The following GON4L variants were observed in gnomAD, a reference collection of about 807,000 sequenced individuals.
GON4L encodes the protein gon-4 like.
GON4L carries 87 observed loss-of-function variants against 211.8 expected under a neutral mutation model. The observed-to-expected ratio is 0.41, with a 90% confidence interval of 0.35 to 0.49. The LOEUF (loss-of-function observed/expected upper bound fraction) is 0.49. Among genes scored for constraint, GON4L ranks in the 20% least tolerant of loss-of-function variants. The probability of loss-of-function intolerance (pLI) is 0.15; values close to 1 mark genes in which losing one functional copy is unlikely to be tolerated. For synonymous variants in GON4L, 875 were observed against 962.6 expected, an observed-to-expected ratio of 0.91 and a Z score of 1.68; for missense variants, 2,155 against 2,659.5, an observed-to-expected ratio of 0.81 and a Z score of 4.17.
At chr1:155,790,491 C>G (rs2985708) in intron 12 of GON4L, among the ~76,000 whole-genome samples, 126,198 of 152,002 alleles carry the variant, frequency 0.83, 54,987 homozygotes, top group East Asian at 1. Flanking sequence ...ATCCTCCTGC[C>G]TCAGCCTCCC....
Position 155,813,815 on chromosome 1 carries a change from G to C in GON4L, c.1282-11C>G. 1 of 1,611,700 alleles carries C rather than the reference G, an allele frequency of 6.2e-7. No homozygotes were observed. The highest frequency in any genetic ancestry group is 1.1e-5 in the South Asian group (1 of 91,006). On this transcript the variant is annotated splice_polypyrimidine_tract_variant and intron_variant, in intron 9 of 31. Coordinates refer to ENST00000368331, the MANE Select transcript of GON4L (RefSeq NM_001282860.2). ...GGTGACTTTCTCAGCCTGATTAAAA[G>C]AGGTGACTGCATCAAAAAAGGAAGG...
chr1:155,784,485 A>C (rs1437400611), intron 13 of GON4L: 1 of 212,064 alleles, frequency 4.7e-6, no homozygotes, highest in Admixed American at 5.9e-5. Context: ...TCCCAGGTTC[A>C]AGCAATTTTC....
chr1:155,798,059 T>C (rs1410159955), intron 11 of GON4L, among the ~76,000 whole-genome samples: 2 of 150,910 alleles, frequency 1.3e-5, no homozygotes, highest in African/African-American at 4.9e-5. Context: ...CCAGCGAGGG[T>C]GACAGAGTGA....
chr1:155,775,749 G>A (rs1013000999), intron 16 of GON4L, among the ~76,000 whole-genome samples: 13 of 151,872 alleles, frequency 8.6e-5, no homozygotes, highest in Non-Finnish European at 1.5e-4. Context: ...ACAAGTCACC[G>A]CACCCAGCCA....
chr1:155,833,390 C>T (rs1669973835), intron 2 of GON4L, among the ~76,000 whole-genome samples: 1 of 152,000 alleles, frequency 6.6e-6, no homozygotes, highest in Admixed American at 6.6e-5. Flanking sequence ...TGGCTCACAC[C>T]TGTGATCCCA....
chr1:155,813,363 C>T lies in GON4L; in HGVS notation c.1452+271G>A, dbSNP rs528277853. Among the ~76,000 whole-genome samples the T allele has an allele frequency of 1.3e-3, 192 of 151,904 alleles. 1 individual carries two copies. Among genetic ancestry groups the T allele is most frequent in the African/African-American group, 4.5e-3 (185 of 41,396 alleles). On this transcript the variant is annotated intron_variant, in intron 10 of 31. Coordinates refer to ENST00000368331, the MANE Select transcript of GON4L (RefSeq NM_001282860.2). ...GGGAAGATCACTTGAGTCTGGGAGG[C>T]GGAGGTTGCAGTGGGCCAAGATCAC...
Position 155,753,697 on chromosome 1 carries a change from T to C in GON4L, c.5632-283A>G, listed in dbSNP as rs148076371. ...TCAAATGACAAACAAAAAGAAAAGA[T>C]AGACAGAGACAGGGTCTCAGATGAC... is the stretch of plus-strand genomic sequence containing the variant. On this transcript the variant is annotated intron_variant, in intron 28 of 31. Transcript: ENST00000368331. 1.2e-3 allele frequency among the ~76,000 whole-genome samples: 175 copies of C among 152,084 alleles called. 1 individual carries two copies. Among genetic ancestry groups the C allele is most frequent in the African/African-American group, 4.0e-3 (165 of 41,488 alleles).
chr1:155,758,103 G>A (rs541961794), intron 24 of GON4L, 69 bp from the exon 25 acceptor site: 2,185 of 158,624 alleles, frequency 0.014, 20 homozygotes, highest in Non-Finnish European at 0.021. Context: ...GGGTTCTAAG[G>A]ATAAGAACTA....
At chr1:155,843,369 T>C (rs1355874972) in intron 2 of GON4L, among the ~76,000 whole-genome samples, 2 of 152,028 alleles carry the variant, frequency 1.3e-5, no homozygotes, top group African/African-American at 4.8e-5. Flanking sequence ...CTCACAGCCA[T>C]CTCCCCAAAC....
At chr1:155,822,066 T>C (rs2102260348) in intron 4 of GON4L, among the ~76,000 whole-genome samples, 1 of 152,346 alleles carries the variant, frequency 6.6e-6, no homozygotes, top group East Asian at 1.9e-4. Flanking sequence ...AGTTTATCTT[T>C]CCAATTAAAT....
chr1:155,833,188 A>T (rs910343415), intron 2 of GON4L, among the ~76,000 whole-genome samples: 3 of 152,168 alleles, frequency 2.0e-5, no homozygotes, highest in Non-Finnish European at 4.4e-5. Flanking sequence ...TCTTAATTAC[A>T]CTTATCAATA....
At chr1:155,841,166 G>GT (rs1670740208) in intron 2 of GON4L, among the ~76,000 whole-genome samples, 1 of 152,146 alleles carries the variant, frequency 6.6e-6, no homozygotes, top group African/African-American at 2.4e-5. Flanking sequence ...TTAGGTACCT[G>GT]TAAGATTCCT....
intron 13 of GON4L, chr1:155,784,554 G>T: frequency 5.5e-6 from 1 of 182,426 alleles, no homozygotes; most frequent in South Asian, 1.1e-4. Context: ...CCTAATTTTT[G>T]TATTTTTAAT....
chr1:155,778,964 A>G (rs1664116187), intron 14 of GON4L, among the ~76,000 whole-genome samples: 2 of 152,094 alleles, frequency 1.3e-5, no homozygotes, highest in Non-Finnish European at 2.9e-5. Context: ...GGATTCCTTG[A>G]AATATGATAA....
intron 14 of GON4L, among the ~76,000 whole-genome samples, chr1:155,778,653 T>C (rs1437069993): frequency 6.6e-6 from 1 of 152,170 alleles, no homozygotes. Flanking sequence ...TATCAACCCA[T>C]CACCTTGGTA....
At chr1:155,824,021 T>G (rs1430896303) in intron 3 of GON4L, among the ~76,000 whole-genome samples, 1 of 152,140 alleles carries the variant, frequency 6.6e-6, no homozygotes, top group Non-Finnish European at 1.5e-5. Context: ...AAGCTAGCAT[T>G]TCCACCCAAC....
chr1:155,759,142 G>T (rs1661495398), intron 24 of GON4L, among the ~76,000 whole-genome samples: 1 of 151,964 alleles, frequency 6.6e-6, no homozygotes, highest in African/African-American at 2.4e-5. Context: ...GACCAAAGGT[G>T]TGCACCACCA....
At chr1:155,764,961 G>A (rs887775412) in intron 21 of GON4L, 39 bp downstream of exon 21, 2 of 1,613,852 alleles carry the variant, frequency 1.2e-6, no homozygotes, top group African/African-American at 2.7e-5. Flanking sequence ...ACATATTACT[G>A]AGTCCACGAA....
chr1:155,754,606 C>G (rs562576739), intron 27 of GON4L, 118 bp from the exon 28 acceptor site: 1 of 631,768 alleles, frequency 1.6e-6, no homozygotes, highest in East Asian at 2.7e-5. Context: ...GTCAGCTCAC[C>G]GCAACCTCTG....
Sources: gnomAD v4.1 joint callset for allele counts (sites outside exome capture counted in the v4.1 genomes callset) on GRCh38, gnomAD v4.1.1 for gene constraint, MANE v1.5 for transcripts, NCBI Gene and HGNC (gene_info 2026-07-23, HGNC 2026-07-21) for gene names.